Variants in CAMTA1 observed in about 807,000 individuals in gnomAD.
The protein encoded by CAMTA1 is calmodulin binding transcription activator 1, also known as calmodulin-binding transcription activator 1.
Under a neutral mutation model 170.9 loss-of-function variants are expected in CAMTA1, and 27 were observed. That is an observed-to-expected ratio of 0.16 (90% CI 0.12 to 0.22). The LOEUF (loss-of-function observed/expected upper bound fraction) is 0.22. CAMTA1 is among the 10% of genes least tolerant of loss of function. The pLI is 1.00. For synonymous variants in CAMTA1, 833 were observed against 891.5 expected (o/e 0.93, Z 1.17); for missense variants, 1,619 against 2,217.2 (o/e 0.73, Z 5.42).
intron 6 of CAMTA1, among the ~76,000 whole-genome samples, chr1:7,497,390 T>C (rs2093846860): frequency 6.6e-6 from 1 of 152,196 alleles, no homozygotes; most frequent in South Asian, 2.1e-4. Flanking sequence ...AGAAAGCCTA[T>C]ACCCTGGCTG....
chr1:7,309,945 A>G (rs1676208221), intron 5 of CAMTA1, among the ~76,000 whole-genome samples: 1 of 152,090 alleles, frequency 6.6e-6, no homozygotes, highest in South Asian at 2.1e-4. Context: ...AAATATTTTA[A>G]ACTACTTGAG....
At chr1:7,581,102 G>C (rs150571050) in intron 6 of CAMTA1, among the ~76,000 whole-genome samples, 6 of 152,182 alleles carry the variant, frequency 3.9e-5, no homozygotes, top group African/African-American at 1.4e-4. Context: ...GAGGGCCCCC[G>C]CCCCTCCTCC....
At chr1:7,235,300 C>T (rs911350924) in intron 4 of CAMTA1, among the ~76,000 whole-genome samples, 7 of 152,146 alleles carry the variant, frequency 4.6e-5, no homozygotes, top group Admixed American at 4.6e-4. Context: ...ACACTAGCTA[C>T]AGGATAGTGC....
chr1:7,639,913 C>T (rs1462266662), intron 6 of CAMTA1, among the ~76,000 whole-genome samples: 1 of 152,126 alleles, frequency 6.6e-6, no homozygotes, highest in Non-Finnish European at 1.5e-5. Flanking sequence ...AGCGGGTGAC[C>T]ATGCCTGTGT....
chr1:6,950,852 C>G (rs1227763691), intron 3 of CAMTA1, among the ~76,000 whole-genome samples: 1 of 152,202 alleles, frequency 6.6e-6, no homozygotes, highest in Non-Finnish European at 1.5e-5. Context: ...GCTCTACAAT[C>G]GGATGCCCAG....
chr1:7,594,117 G>GAGAAAGAAAGAAAGAAAGAGAGAA (rs2095376140), intron 6 of CAMTA1, among the ~76,000 whole-genome samples: 1 of 130,720 alleles, frequency 7.6e-6, no homozygotes, highest in Admixed American at 7.9e-5. Flanking sequence ...GAAAGAAAGA[G>GAGAAAGAAAGAAAGAAAGAGAGAA]AGAAAGAAAG....
At chr1:7,304,119 T>A (rs760423456) in intron 5 of CAMTA1, among the ~76,000 whole-genome samples, 9 of 152,182 alleles carry the variant, frequency 5.9e-5, no homozygotes, top group Middle Eastern at 3.4e-3. Flanking sequence ...TTTGGGATGA[T>A]GAAAAGTTTA....
At chr1:7,442,939 G>T (rs113918308) in intron 5 of CAMTA1, among the ~76,000 whole-genome samples, 76 of 152,274 alleles carry the variant, frequency 5.0e-4, no homozygotes, top group African/African-American at 1.8e-3. Context: ...CAGTGCTACT[G>T]CCCTGGCCTT....
chr1:6,997,809 C>T (rs1005793726), intron 3 of CAMTA1, among the ~76,000 whole-genome samples: 2 of 150,192 alleles, frequency 1.3e-5, no homozygotes, highest in Non-Finnish European at 1.5e-5. Context: ...TACAGGCGTG[C>T]ACCACCACGC....
chr1:7,146,930 A>G lies in CAMTA1; in HGVS notation c.302+55559A>G, dbSNP rs1017118371. ...ATACACATCACACACTCAAATATAC[A>G]CCATGTTCACACACATCACACATTC... On this transcript the variant is annotated intron_variant, in intron 4 of 22. Coordinates refer to ENST00000303635, the MANE Select transcript of CAMTA1 (RefSeq NM_015215.4). The surrounding 1 kb of genome is among the most constrained non-coding windows in gnomAD (Gnocchi z 4.3). Among the ~76,000 whole-genome samples, 13 of 151,816 alleles carry G rather than the reference A, an allele frequency of 8.6e-5. No homozygotes were observed. Among genetic ancestry groups the G allele is most frequent in the African/African-American group, 3.1e-4 (13 of 41,298 alleles).
Position 7,459,916 on chromosome 1 carries a change from T to C in CAMTA1, c.439-7914T>C, listed in dbSNP as rs150626047. On this transcript the variant is annotated intron_variant, in intron 5 of 22. Transcript: ENST00000303635. The stretch of plus-strand genomic sequence containing the variant: ...GGTGAGCGGGTCAGAGCCAAAGTTC[T>C]AGTCCTGAGCCTGCACTTGAGCCAT... Among the ~76,000 whole-genome samples, 577 of 152,364 alleles carry C rather than the reference T, an allele frequency of 3.8e-3. 4 individuals carry two copies. Among genetic ancestry groups the C allele is most frequent in the Non-Finnish European group, 7.1e-3 (486 of 68,040 alleles).
chr1:7,262,673 C>T (rs1213232071), intron 5 of CAMTA1, among the ~76,000 whole-genome samples: 2 of 152,184 alleles, frequency 1.3e-5, no homozygotes, highest in Non-Finnish European at 2.9e-5. Flanking sequence ...AACTCATTTC[C>T]CCTTTGCAGG....
chr1:7,741,961 T>A (rs1449255968), intron 16 of CAMTA1, among the ~76,000 whole-genome samples: 12 of 133,924 alleles, frequency 9.0e-5, no homozygotes, highest in East Asian at 6.3e-4. Flanking sequence ...TTTTTTTTTT[T>A]AAATAAAAGC....
chr1:6,834,612 C>T (rs1013955539), intron 3 of CAMTA1: 3 of 165,554 alleles, frequency 1.8e-5, no homozygotes, highest in Non-Finnish European at 3.9e-5. Context: ...GGTCATCTCA[C>T]TTCTGTGGCT....
intron 3 of CAMTA1, among the ~76,000 whole-genome samples, chr1:7,025,108 T>TG (rs1701847059): frequency 1.3e-5 from 2 of 152,160 alleles, no homozygotes; most frequent in Admixed American, 1.3e-4. Context: ...TTTTATGTCC[T>TG]GCACAAAACT....
Position 7,565,925 on chromosome 1 carries a change from G to GGAGAGAGA in CAMTA1, c.511-74458_511-74451dup, listed in dbSNP as rs112929831. On this transcript the variant is annotated intron_variant, in intron 6 of 22. Coordinates refer to ENST00000303635, the MANE Select transcript of CAMTA1 (RefSeq NM_015215.4). The surrounding 1 kb of genome is among the most constrained non-coding windows in gnomAD (Gnocchi z 4.5). ...TTCTCGCTGTGTCCTCACATAGTAGGGAGAGAGAGAGAGAGAGAGAGAGAA... is the reference window on the plus strand; with the variant it reads ...TTCTCGCTGTGTCCTCACATAGTAGGGAGAGAGAGAGAGAGAGAGAGAGAGAGAGAGAA... Among the ~76,000 whole-genome samples, 1 of 148,902 alleles carries GGAGAGAGA rather than the reference G, an allele frequency of 6.7e-6. No individual in the cohort carries two copies. The highest frequency in any genetic ancestry group is 2.5e-5 in the African/African-American group (1 of 40,626).
intron 7 of CAMTA1, among the ~76,000 whole-genome samples, chr1:7,659,537 A>C (rs560305604): frequency 6.6e-6 from 1 of 152,302 alleles, no homozygotes; most frequent in South Asian, 2.1e-4. Flanking sequence ...CTGTCTCAAA[A>C]AAAAGAAGAA....
Position 7,191,696 on chromosome 1 carries a change from C to T in CAMTA1, c.303-57795C>T, listed in dbSNP as rs549032445. ...CTCCACATCTGGTACAGCTGCAAGG[C>T]GTGAGGGATGAGGACACAGTGCTGT... On this transcript the variant is annotated intron_variant, in intron 4 of 22. Transcript: ENST00000303635. Among the ~76,000 whole-genome samples the T allele has an allele frequency of 2.0e-5, 3 of 152,234 alleles. No individual in the cohort carries two copies. The East Asian group carries it at 5.8e-4, about 29-fold the overall frequency.
intron 4 of CAMTA1, among the ~76,000 whole-genome samples, chr1:7,198,708 T>A (rs943907270): frequency 1.3e-5 from 2 of 152,016 alleles, no homozygotes; most frequent in African/African-American, 4.8e-5. Context: ...GGACCATCTT[T>A]CCTGACACCC....
Sources: allele counts gnomAD v4.1 joint callset (sites outside exome capture counted in the v4.1 genomes callset), GRCh38; gene constraint gnomAD v4.1.1; non-coding constraint Gnocchi (gnomAD v3.1); transcripts MANE v1.5; gene names NCBI Gene and HGNC (gene_info 2026-07-23, HGNC 2026-07-21).